Variants in FRRS1L observed in about 807,000 individuals in gnomAD.
The protein encoded by FRRS1L is ferric chelate reductase 1 like, also known as DOMON domain-containing protein FRRS1L.
Under a neutral mutation model 28.6 loss-of-function variants are expected in FRRS1L, and 22 were observed. That is an observed-to-expected ratio of 0.77 (90% CI 0.55 to 1.10). The LOEUF is 1.10. Ranked by LOEUF, FRRS1L falls within the 50% of genes least tolerant of loss-of-function variation. The probability of loss-of-function intolerance (pLI) is 0.00; values close to 1 mark genes in which losing one functional copy is unlikely to be tolerated. For missense variants in FRRS1L, 380 were observed against 386.9 expected (o/e 0.98, Z 0.15); for synonymous variants, 158 against 151.4 (o/e 1.04, Z -0.32).
intron 4 of FRRS1L, chr9:109,138,640 G>A (rs575122816): frequency 1.3e-5 from 2 of 152,146 alleles, no homozygotes; most frequent in African/African-American, 4.8e-5. Flanking sequence ...TTAAACCTGG[G>A]AGGTGGAGGC....
At chr9:109,144,797 C>T (rs990044999) in intron 3 of FRRS1L, among the ~76,000 whole-genome samples, 5 of 152,080 alleles carry the variant, frequency 3.3e-5, no homozygotes, top group Non-Finnish European at 7.4e-5. Flanking sequence ...GATTCTCCCG[C>T]CTCAGCCTCT....
At position 109,130,733 on chromosome 9, in the gene FRRS1L, C is replaced by T. The variant is rs1302887097; in HGVS notation, c.*6722G>A. 1 of 152,160 alleles carries T rather than the reference C, an allele frequency of 6.6e-6. No individual in the cohort carries two copies. Among genetic ancestry groups the T allele is most frequent in the Non-Finnish European group, 1.5e-5 (1 of 68,038 alleles). 9.4% of individuals were successfully genotyped at this position (152,160 alleles called of 1,614,324 possible). A position where few individuals can be genotyped will look rare whatever the true frequency, so the allele number is the denominator to read the frequency against. On this transcript the variant is annotated 3_prime_UTR_variant, in exon 5 of 5. Coordinates refer to ENST00000561981, the MANE Select transcript of FRRS1L (RefSeq NM_014334.4). ...CTGGAGCCAGATTGTTCCAGCATAT[C>T]AGCATGTCTGTGGAAATAAGGCATC... is the stretch of plus-strand genomic sequence containing the variant.
Position 109,141,530 on chromosome 9 carries a change from G to C in FRRS1L, c.522C>G (p.His174Gln), listed in dbSNP as rs1831185492. The change falls in exon 4 of 5, where the codon CAC (histidine) becomes CAG (glutamine). Residue 174 changes from histidine to glutamine, a missense_variant. Coordinates refer to ENST00000561981, the MANE Select transcript of FRRS1L (RefSeq NM_014334.4). Reference protein sequence around the residue: ...HDDNGRVRIQHFYNVGQWAKE... With the variant: ...HDDNGRVRIQQFYNVGQWAKE... Reference sequence around the variant, plus strand: ...TTGCCCACTGGCCTACATTATAGAAGTGCTGTATGCGGACCCTGCCATTGT... The same window carrying C: ...TTGCCCACTGGCCTACATTATAGAACTGCTGTATGCGGACCCTGCCATTGT... The C allele has an allele frequency of 1.2e-6, 2 of 1,613,830 alleles. No individual in the cohort carries two copies. Among genetic ancestry groups the C allele is most frequent in the Admixed American group, 1.7e-5 (1 of 59,992 alleles).
chr9:109,140,376 C>T (rs145131228), intron 4 of FRRS1L: 1 of 152,282 alleles, frequency 6.6e-6, no homozygotes, highest in Non-Finnish European at 1.5e-5. Flanking sequence ...GTCACTTAAA[C>T]CTGGGAGGTG....
At position 109,131,155 on chromosome 9, in the gene FRRS1L, A is replaced by G. The variant is rs534682215; in HGVS notation, c.*6300T>C. The G allele has an allele frequency of 6.6e-6, 1 of 152,366 alleles. No individual in the cohort carries two copies. Among genetic ancestry groups the G allele is most frequent in the South Asian group, 2.1e-4 (1 of 4,826 alleles). 9.4% of individuals were successfully genotyped at this position (152,366 alleles called of 1,614,324 possible). A position where few individuals can be genotyped will look rare whatever the true frequency, so the allele number is the denominator to read the frequency against. ...AATAACTGGATACTTGAATAACTGA[A>G]TAAGGAACCTAATTAAATACAAAAC... On this transcript the variant is annotated 3_prime_UTR_variant, in exon 5 of 5. Coordinates refer to ENST00000561981, the MANE Select transcript of FRRS1L (RefSeq NM_014334.4).
At position 109,137,705 on chromosome 9, in the gene FRRS1L, A is replaced by G. The variant is rs1002532211; in HGVS notation, c.710-78T>C. 17 of 905,026 alleles carry G rather than the reference A, an allele frequency of 1.9e-5. No homozygotes were observed. The African/African-American group carries it at 2.8e-4, about 15-fold the overall frequency. The allele number at this position is 905,026 out of a possible 1,614,324, so 56.1% of individuals were successfully genotyped here. A position where few individuals can be genotyped will look rare whatever the true frequency, so the allele number is the denominator to read the frequency against. On this transcript the variant is annotated intron_variant, in intron 4 of 4. Transcript: ENST00000561981. ...AATGGTATAGGCAAACAATGGAAAA[A>G]TCAAAAGTCTATTTAGTGTTGAATA...
intron 1 of FRRS1L, among the ~76,000 whole-genome samples, chr9:109,155,144 G>C (rs541954759): frequency 2.0e-5 from 3 of 152,306 alleles, no homozygotes; most frequent in African/African-American, 7.2e-5. Context: ...CACAAAGCCT[G>C]GAAATGCCCA....
chr9:109,157,571 A>G (rs1460350575), intron 1 of FRRS1L, among the ~76,000 whole-genome samples: 2 of 151,920 alleles, frequency 1.3e-5, no homozygotes, highest in African/African-American at 4.8e-5. Flanking sequence ...ATTTTTTTGT[A>G]GGGAATATGT....
At chr9:109,149,478 T>G (rs1564232124) in intron 2 of FRRS1L, among the ~76,000 whole-genome samples, 158 bp downstream of exon 2, 1 of 152,162 alleles carries the variant, frequency 6.6e-6, no homozygotes, top group East Asian at 1.9e-4. Flanking sequence ...CCTTTAAGAC[T>G]GAAAAGCGGG....
At chr9:109,145,833 A>G (rs1011350606) in intron 3 of FRRS1L, among the ~76,000 whole-genome samples, 12 of 152,166 alleles carry the variant, frequency 7.9e-5, no homozygotes, top group African/African-American at 2.9e-4. Flanking sequence ...TCCCTTCCCC[A>G]TGCCTTCCCC....
intron 2 of FRRS1L, chr9:109,148,410 CT>C (rs1831290265): frequency 6.6e-6 from 1 of 152,152 alleles, no homozygotes; most frequent in Non-Finnish European, 1.5e-5. Context: ...GAGAGCACCA[CT>C]GAAATGAAAA....
intron 1 of FRRS1L, among the ~76,000 whole-genome samples, chr9:109,157,398 T>G (rs1251829702): frequency 6.6e-6 from 1 of 152,202 alleles, no homozygotes; most frequent in Non-Finnish European, 1.5e-5. Flanking sequence ...TTTATTTTTA[T>G]TTTTTGGAGA....
chr9:109,137,328 A>G lies in FRRS1L; in HGVS notation c.*127T>C. On this transcript the variant is annotated 3_prime_UTR_variant, in exon 5 of 5. Coordinates refer to ENST00000561981, the MANE Select transcript of FRRS1L (RefSeq NM_014334.4). Reference sequence around the variant, plus strand: ...AAGAAGCTTGTTCTTTCTTCCAAAAAGCTGAAATTATATGAGGTTTTTTTT... The same window carrying G: ...AAGAAGCTTGTTCTTTCTTCCAAAAGGCTGAAATTATATGAGGTTTTTTTT... 1.9e-6 allele frequency: 1 copy of G among 532,760 alleles called. No homozygotes were observed. Among genetic ancestry groups the G allele is most frequent in the Non-Finnish European group, 3.1e-6 (1 of 326,308 alleles). 33.0% of individuals were successfully genotyped at this position (532,760 alleles called of 1,614,324 possible). A position where few individuals can be genotyped will look rare whatever the true frequency, so the allele number is the denominator to read the frequency against.
chr9:109,155,816 A>AG (rs1354542417), intron 1 of FRRS1L, among the ~76,000 whole-genome samples: 1 of 152,094 alleles, frequency 6.6e-6, no homozygotes, highest in Non-Finnish European at 1.5e-5. Context: ...TAGTAGCTAA[A>AG]GGTATAGGAT....
Position 109,136,702 on chromosome 9 carries a change from A to G in FRRS1L, c.*753T>C, listed in dbSNP as rs113223622. The G allele has an allele frequency of 0.055, 8,399 of 152,060 alleles. 372 individuals are homozygous for G. Among genetic ancestry groups the G allele is most frequent in the East Asian group, 0.13 (661 of 5,156 alleles). The allele number at this position is 152,060 out of a possible 1,614,324, so 9.4% of individuals were successfully genotyped here. ...CGCCTGGCTCATTTTTGTACTTTTT[A>G]ATAGAGACGGGGGTTTCACCACATT... On this transcript the variant is annotated 3_prime_UTR_variant, in exon 5 of 5. Transcript: ENST00000561981.
At position 109,137,463 on chromosome 9, in the gene FRRS1L, T is replaced by G; in HGVS notation, c.874A>C (p.Thr292Pro). Residue 292 changes from threonine to proline, a missense_variant, in exon 5 of 5, where the codon ACC (threonine) becomes CCC (proline). Physicochemically the swap from Thr to Pro is conservative, Grantham distance 38. Coordinates refer to ENST00000561981, the MANE Select transcript of FRRS1L (RefSeq NM_014334.4). ...VALTFYLLMG[T>P]P ...TGGCCCTGCAGCTGTGGTTAGGGGG[T>G]TCCCATCAATAGGTAGAAGGTCAGA... The G allele has an allele frequency of 6.3e-7, 1 of 1,599,630 alleles. No individual in the cohort carries two copies. The highest frequency in any genetic ancestry group is 8.5e-7 in the Non-Finnish European group (1 of 1,171,264).
Position 109,133,642 on chromosome 9 carries a change from T to G in FRRS1L, c.*3813A>C, listed in dbSNP as rs771157230. On this transcript the variant is annotated 3_prime_UTR_variant, in exon 5 of 5. Transcript: ENST00000561981. ...TTTATGTCAAGTGACCAGCCTCAGTTTTTTCATCTGTAAAATTGGATAAAT... is the reference window on the plus strand; with the variant it reads ...TTTATGTCAAGTGACCAGCCTCAGTGTTTTCATCTGTAAAATTGGATAAAT... 2.0e-5 allele frequency: 3 copies of G among 152,232 alleles called. No individual in the cohort carries two copies. Among genetic ancestry groups the G allele is most frequent in the Non-Finnish European group, 4.4e-5 (3 of 68,034 alleles). The allele number at this position is 152,232 out of a possible 1,614,324, so 9.4% of individuals were successfully genotyped here. A position where few individuals can be genotyped will look rare whatever the true frequency, so the allele number is the denominator to read the frequency against.
chr9:109,158,412 T>C (rs185199739), intron 1 of FRRS1L, among the ~76,000 whole-genome samples: 1 of 152,236 alleles, frequency 6.6e-6, no homozygotes, highest in Non-Finnish European at 1.5e-5. Flanking sequence ...CATAAGGTTA[T>C]GCAACCATCA....
At chr9:109,144,401 C>G (rs146544579) in intron 3 of FRRS1L, among the ~76,000 whole-genome samples, 2 of 152,086 alleles carry the variant, frequency 1.3e-5, no homozygotes, top group Admixed American at 1.3e-4. Context: ...GAGACAGTCT[C>G]GCTCTGTTGC....
Sources: gnomAD v4.1 joint callset for allele counts (sites outside exome capture counted in the v4.1 genomes callset) on GRCh38, gnomAD v4.1.1 for gene constraint, MANE v1.5 for transcripts, NCBI Gene and HGNC (gene_info 2026-07-23, HGNC 2026-07-21) for gene names.